The following SRGAP3 variants were observed in gnomAD, a reference collection of about 807,000 sequenced individuals.
SRGAP3 encodes SLIT-ROBO Rho GTPase-activating protein 3.
In SRGAP3, 39 loss-of-function variants were observed where a neutral mutation model predicts 121.1. The ratio of observed to expected loss-of-function variants is 0.32; its 90% CI spans 0.25 to 0.42. SRGAP3 has a LOEUF of 0.42. Among genes scored for constraint, SRGAP3 ranks in the 10% least tolerant of loss-of-function variants. The probability of loss-of-function intolerance (pLI) is 1.00; values close to 1 mark genes in which losing one functional copy is unlikely to be tolerated. For missense variants in SRGAP3, 1,213 were observed against 1,470.6 expected (o/e 0.82, Z 2.86); for synonymous variants, 601 against 570.0 (o/e 1.05, Z -0.77).
intron 20 of SRGAP3, 145 bp downstream of exon 20, chr3:8,992,761 A>C: frequency 6.8e-7 from 1 of 1,471,884 alleles, no homozygotes; most frequent in South Asian, 1.2e-5. Context: ...AATGCCAGCC[A>C]GCCCGCCCAG....
intron 18 of SRGAP3, among the ~76,000 whole-genome samples, chr3:9,005,938 T>C (rs903781429): frequency 1.2e-4 from 17 of 143,638 alleles, no homozygotes; most frequent in Non-Finnish European, 2.0e-4. Context: ...GTGTGTGATC[T>C]ATAACTCAAT....
chr3:9,157,606 C>T (rs918615083), intron 1 of SRGAP3, among the ~76,000 whole-genome samples: 1 of 152,152 alleles, frequency 6.6e-6, no homozygotes, highest in Non-Finnish European at 1.5e-5. Flanking sequence ...TGGTAGCTTG[C>T]CCAAGGCCCA....
chr3:9,097,654 G>A (rs978836485), intron 3 of SRGAP3, among the ~76,000 whole-genome samples: 3 of 152,120 alleles, frequency 2.0e-5, no homozygotes, highest in Non-Finnish European at 2.9e-5. Flanking sequence ...GATCCCCTTC[G>A]GGCCTGGGGA....
chr3:9,255,629 C>CTGGCACTT (rs1954115325), intron 3 of SRGAP3, among the ~76,000 whole-genome samples: 1 of 152,164 alleles, frequency 6.6e-6, no homozygotes, highest in South Asian at 2.1e-4. Flanking sequence ...TGGGCTTGCC[C>CTGGCACTT]TGGCACTTTG....
chr3:9,339,873 C>T (rs756267883), intron 1 of SRGAP3, among the ~76,000 whole-genome samples: 1 of 152,076 alleles, frequency 6.6e-6, no homozygotes, highest in Non-Finnish European at 1.5e-5. Context: ...TATTTCACTC[C>T]AGCTTGGTCT....
intron 10 of SRGAP3, among the ~76,000 whole-genome samples, chr3:9,046,944 C>T (rs1451293111): frequency 1.3e-5 from 2 of 152,016 alleles, no homozygotes; most frequent in Admixed American, 1.3e-4. Context: ...CATTCTCCTG[C>T]CTCAGCCTCC....
intron 1 of SRGAP3, among the ~76,000 whole-genome samples, chr3:9,240,331 G>A (rs1379430220): frequency 6.6e-6 from 1 of 152,098 alleles, no homozygotes; most frequent in Non-Finnish European, 1.5e-5. Context: ...ACAGCTTCCT[G>A]GGCCCTGTAT....
chr3:9,209,695 T>C (rs1300345955), intron 1 of SRGAP3, among the ~76,000 whole-genome samples: 1 of 152,230 alleles, frequency 6.6e-6, no homozygotes, highest in Non-Finnish European at 1.5e-5. Context: ...GATAAAGCAT[T>C]ATTTATATCA....
intron 1 of SRGAP3, among the ~76,000 whole-genome samples, chr3:9,359,023 T>A (rs1379495396): frequency 1.3e-5 from 2 of 152,094 alleles, no homozygotes; most frequent in Non-Finnish European, 2.9e-5. Flanking sequence ...CTTAACACCA[T>A]CTTGAGGTTA....
chr3:9,010,468 G>A, intron 17 of SRGAP3, 81 bp from the exon 18 acceptor site: 1 of 1,534,934 alleles, frequency 6.5e-7, no homozygotes, highest in Non-Finnish European at 9.0e-7. Flanking sequence ...TGCCAGTCCA[G>A]TTGGCCTCTG....
At chr3:9,086,265 C>T (rs1947467627) in intron 3 of SRGAP3, among the ~76,000 whole-genome samples, 1 of 151,980 alleles carries the variant, frequency 6.6e-6, no homozygotes, top group Non-Finnish European at 1.5e-5. Context: ...GTGGCTCGCA[C>T]CTGTAATCCC....
At chr3:9,195,036 T>A (rs1409323981) in intron 1 of SRGAP3, among the ~76,000 whole-genome samples, 2 of 152,180 alleles carry the variant, frequency 1.3e-5, no homozygotes, top group African/African-American at 4.8e-5. Context: ...CTGGCTTGAG[T>A]ATTTGCCACT....
intron 18 of SRGAP3, among the ~76,000 whole-genome samples, chr3:9,001,513 A>C (rs1202611636): frequency 2.6e-5 from 4 of 152,222 alleles, no homozygotes; most frequent in Admixed American, 2.0e-4. Flanking sequence ...TAAAGAAGGA[A>C]TAGAGGAACA....
intron 14 of SRGAP3, among the ~76,000 whole-genome samples, chr3:9,023,002 C>T (rs1944001015): frequency 6.6e-6 from 1 of 152,128 alleles, no homozygotes. Context: ...GAGGTGCTGA[C>T]CTTAGAAAAT....
intron 1 of SRGAP3, among the ~76,000 whole-genome samples, chr3:9,332,643 T>C (rs2125286722): frequency 6.6e-6 from 1 of 152,242 alleles, no homozygotes; most frequent in Non-Finnish European, 1.5e-5. Context: ...AGAAAAGAAT[T>C]GTTTGCATAG....
At chr3:9,256,963 A>C (rs1248141226) in intron 3 of SRGAP3, 2 of 397,618 alleles carry the variant, frequency 5.0e-6, no homozygotes, top group East Asian at 7.1e-5. Flanking sequence ...ACCACTGATA[A>C]GCTGTGTGAC....
intron 1 of SRGAP3, among the ~76,000 whole-genome samples, chr3:9,185,848 A>C (rs1270280375): frequency 1.3e-5 from 2 of 152,102 alleles, no homozygotes. Context: ...AGATGTCTTG[A>C]TGTACGAGAT....
chr3:9,088,850 T>A (rs1018232071), intron 3 of SRGAP3, among the ~76,000 whole-genome samples: 2 of 152,152 alleles, frequency 1.3e-5, no homozygotes, highest in African/African-American at 4.8e-5. Flanking sequence ...CTGTTTCAAG[T>A]ACGGTGGCCC....
chr3:9,216,382 A>G (rs537359330), intron 1 of SRGAP3, among the ~76,000 whole-genome samples: 23 of 152,330 alleles, frequency 1.5e-4, no homozygotes, highest in African/African-American at 5.3e-4. Context: ...CATCTGCAAT[A>G]TAAGGGACAG....
Sources: gnomAD v4.1 joint callset for allele counts (sites outside exome capture counted in the v4.1 genomes callset) on GRCh38, gnomAD v4.1.1 for gene constraint, MANE v1.5 for transcripts, NCBI Gene and HGNC (gene_info 2026-07-23, HGNC 2026-07-21) for gene names.